ELAVL4: variants seen among roughly 807,000 people sequenced by gnomAD.
The protein encoded by ELAVL4 is ELAV-like protein 4.
In ELAVL4, 1 loss-of-function variant was observed where a neutral mutation model predicts 35.6. The observed-to-expected ratio is 0.03, with a 90% confidence interval of 0.01 to 0.13. ELAVL4 has a LOEUF of 0.13. Ranked by LOEUF, ELAVL4 falls within the 10% of genes least tolerant of loss-of-function variation. The pLI is 1.00. For synonymous variants in ELAVL4, 156 were observed against 171.0 expected, an observed-to-expected ratio of 0.91 and a Z score of 0.69; for missense variants, 267 against 464.9, an observed-to-expected ratio of 0.57 and a Z score of 3.91.
intron 1 of ELAVL4, among the ~76,000 whole-genome samples, chr1:50,064,557 A>T (rs1353847487): frequency 1.3e-5 from 2 of 152,158 alleles, no homozygotes; most frequent in Admixed American, 1.3e-4. Context: ...TTTTGTCTAC[A>T]TACTAGGAAT....
chr1:50,062,401 A>T (rs991630060), intron 1 of ELAVL4, among the ~76,000 whole-genome samples: 3 of 151,950 alleles, frequency 2.0e-5, no homozygotes, highest in Non-Finnish European at 4.4e-5. Context: ...TTTATCTGGG[A>T]TGCCTGTTAT....
upstream of ELAVL4, chr1:50,106,453 C>A: frequency 7.3e-7 from 1 of 1,376,194 alleles, no homozygotes; most frequent in Non-Finnish European, 1.0e-6. Context: ...TTTTAGGTTG[C>A]CTTAGCTGCT....
intron 1 of ELAVL4, among the ~76,000 whole-genome samples, chr1:50,117,148 G>A (rs923837447): frequency 6.6e-6 from 1 of 152,080 alleles, no homozygotes. Flanking sequence ...GACTTTGGGG[G>A]AGGATAACTT....
intron 1 of ELAVL4, among the ~76,000 whole-genome samples, chr1:50,085,392 A>C (rs1665193484): frequency 6.6e-6 from 1 of 152,190 alleles, no homozygotes; most frequent in African/African-American, 2.4e-5. Context: ...TAATCACAGC[A>C]CTTTGGGAGG....
chr1:50,149,219 G>A (rs1214681884), intron 2 of ELAVL4, among the ~76,000 whole-genome samples: 2 of 151,968 alleles, frequency 1.3e-5, no homozygotes, highest in African/African-American at 4.8e-5. Flanking sequence ...CCAACATGGT[G>A]AAACCCCGTC....
chr1:50,095,931 C>T (rs1410237624), intron 1 of ELAVL4, among the ~76,000 whole-genome samples: 2 of 152,132 alleles, frequency 1.3e-5, no homozygotes, highest in African/African-American at 4.8e-5. Context: ...TTTCGAGTTT[C>T]TGATTTTAGT....
At chr1:50,072,812 A>G (rs1377878901) in intron 1 of ELAVL4, among the ~76,000 whole-genome samples, 2 of 152,164 alleles carry the variant, frequency 1.3e-5, no homozygotes, top group African/African-American at 4.8e-5. Flanking sequence ...ATTTTTACAG[A>G]TGAGGAAACT....
intron 1 of ELAVL4, among the ~76,000 whole-genome samples, chr1:50,127,377 G>C (rs1417085122): frequency 6.6e-6 from 1 of 152,126 alleles, no homozygotes; most frequent in South Asian, 2.1e-4. Context: ...AGGAGAGAGA[G>C]GAGTTGTCTG....
chr1:50,073,448 A>G (rs1487171777), intron 1 of ELAVL4, among the ~76,000 whole-genome samples: 1 of 152,178 alleles, frequency 6.6e-6, no homozygotes, highest in East Asian at 1.9e-4. Flanking sequence ...TTTTTAAAGC[A>G]AAGTAATAAA....
intron 3 of ELAVL4, among the ~76,000 whole-genome samples, chr1:50,186,310 C>A (rs1448729546): frequency 6.6e-6 from 1 of 151,866 alleles, no homozygotes; most frequent in East Asian, 1.9e-4. Context: ...TTTTTTTGAG[C>A]TCTTGCCCTG....
At chr1:50,048,294 AC>A (rs1663174210) in intron 1 of ELAVL4, 5 of 1,312,260 alleles carry the variant, frequency 3.8e-6, no homozygotes, top group African/African-American at 3.1e-5. Flanking sequence ...CAGCCTGGCC[AC>A]CCCGACTCCC....
chr1:50,127,158 G>C (rs148903090), intron 1 of ELAVL4, among the ~76,000 whole-genome samples: 1 of 152,062 alleles, frequency 6.6e-6, no homozygotes, highest in East Asian at 1.9e-4. Context: ...CTATGTCCCC[G>C]TGTGCTCTGC....
intron 1 of ELAVL4, among the ~76,000 whole-genome samples, chr1:50,095,150 G>A (rs1396105676): frequency 1.3e-5 from 2 of 152,068 alleles, no homozygotes; most frequent in African/African-American, 4.8e-5. Flanking sequence ...AAGTGCTCAG[G>A]GACTTGCCTA....
At chr1:50,136,352 A>C (rs566033023) in intron 1 of ELAVL4, among the ~76,000 whole-genome samples, 24 of 152,272 alleles carry the variant, frequency 1.6e-4, no homozygotes, top group African/African-American at 5.8e-4. Flanking sequence ...AACATACTAC[A>C]TGTCAGAATT....
At chr1:50,126,702 G>T (rs1439200840) in intron 1 of ELAVL4, among the ~76,000 whole-genome samples, 1 of 152,020 alleles carries the variant, frequency 6.6e-6, no homozygotes, top group Non-Finnish European at 1.5e-5. Flanking sequence ...AATTAAGATT[G>T]AAGAGAAAGA....
chr1:50,187,644 T>C (rs766666103), intron 3 of ELAVL4, among the ~76,000 whole-genome samples: 1 of 152,190 alleles, frequency 6.6e-6, no homozygotes, highest in Non-Finnish European at 1.5e-5. Context: ...CAAAATATAG[T>C]TACCCAATAC....
chr1:50,132,025 T>C (rs1557751238), intron 1 of ELAVL4, among the ~76,000 whole-genome samples: 1 of 152,072 alleles, frequency 6.6e-6, no homozygotes, highest in Non-Finnish European at 1.5e-5. Flanking sequence ...ATATTAGTGG[T>C]TTAATGTCAT....
chr1:50,082,884 C>G (rs1007665338), intron 1 of ELAVL4, among the ~76,000 whole-genome samples: 2 of 152,094 alleles, frequency 1.3e-5, no homozygotes, highest in Admixed American at 1.3e-4. Flanking sequence ...ACCTATGTAC[C>G]TACCCACCTG....
chr1:50,148,896 T>C (rs1258608082), intron 2 of ELAVL4, among the ~76,000 whole-genome samples: 2 of 152,208 alleles, frequency 1.3e-5, no homozygotes, highest in African/African-American at 2.4e-5. Context: ...GAGATTGCCT[T>C]ACTGAATCCA....
Sources: gnomAD v4.1 joint callset for allele counts (sites outside exome capture counted in the v4.1 genomes callset) on GRCh38, gnomAD v4.1.1 for gene constraint, MANE v1.5 for transcripts, NCBI Gene and HGNC (gene_info 2026-07-23, HGNC 2026-07-21) for gene names.